Variants in RABGEF1 observed in about 807,000 individuals in gnomAD.
RABGEF1 encodes the protein RAB guanine nucleotide exchange factor 1.
Under a neutral mutation model 57.3 loss-of-function variants are expected in RABGEF1, and 26 were observed. That is an observed-to-expected ratio of 0.45 (90% CI 0.33 to 0.63). RABGEF1 has a LOEUF of 0.63. Ranked by LOEUF, RABGEF1 falls within the 20% of genes least tolerant of loss-of-function variation. The probability of loss-of-function intolerance (pLI) is 0.02; values close to 1 mark genes in which losing one functional copy is unlikely to be tolerated. For synonymous variants in RABGEF1, 185 were observed against 210.7 expected (o/e 0.88, Z 1.06); for missense variants, 464 against 607.6 (o/e 0.76, Z 2.48).
upstream of RABGEF1, among the ~76,000 whole-genome samples, chr7:66,681,296 G>C (rs1789706453): frequency 6.6e-6 from 1 of 151,934 alleles, no homozygotes; most frequent in Non-Finnish European, 1.5e-5. Flanking sequence ...CCTTACATGG[G>C]AATCACATAA....
At chr7:66,767,573 A>G (rs1806056665) in intron 1 of RABGEF1, among the ~76,000 whole-genome samples, 1 of 152,202 alleles carries the variant, frequency 6.6e-6, no homozygotes, top group African/African-American at 2.4e-5. Flanking sequence ...TCATATGTTG[A>G]AATTCTAAAC....
intron 1 of RABGEF1, among the ~76,000 whole-genome samples, chr7:66,700,499 T>TAGTTGGGGGGAGGGGGGGGG (rs1562710607): frequency 6.4e-5 from 4 of 62,664 alleles, no homozygotes; most frequent in Non-Finnish European, 7.8e-5. Context: ...GAGGGGGAGG[T>TAGTTGGGGGGAGGGGGGGGG]AGGGGAGGGG....
At chr7:66,777,377 T>C (rs1327148374) in intron 3 of RABGEF1, among the ~76,000 whole-genome samples, 1 of 152,094 alleles carries the variant, frequency 6.6e-6, no homozygotes, top group South Asian at 2.1e-4. Flanking sequence ...TCCTAATTCC[T>C]GGGTCAATAT....
chr7:66,780,858 C>T (rs996623576), intron 3 of RABGEF1, among the ~76,000 whole-genome samples: 2 of 152,162 alleles, frequency 1.3e-5, no homozygotes, highest in African/African-American at 4.8e-5. Flanking sequence ...GGTACAACCA[C>T]TTAAGCTCTT....
intron 1 of RABGEF1, among the ~76,000 whole-genome samples, chr7:66,770,706 ACTC>A (rs1353380333): frequency 6.6e-6 from 1 of 151,826 alleles, no homozygotes; most frequent in Non-Finnish European, 1.5e-5. Context: ...CTGGTCCTGA[ACTC>A]CTAGCCTCAA....
intron 1 of RABGEF1, among the ~76,000 whole-genome samples, chr7:66,705,439 AAGAAAGAGAGAGAGAGAG>A (rs1793882370): frequency 1.8e-5 from 1 of 54,976 alleles, no homozygotes; most frequent in African/African-American, 5.7e-5. Flanking sequence ...TCCATCTCGA[AAGAAAGAGAGAGAGAGAG>A]AGAGAGAGAG....
At chr7:66,743,518 T>C (rs1365476588) in intron 1 of RABGEF1, among the ~76,000 whole-genome samples, 1 of 151,740 alleles carries the variant, frequency 6.6e-6, no homozygotes, top group Non-Finnish European at 1.5e-5. Context: ...TTTTCTTTTT[T>C]TGATACGGAA....
chr7:66,751,993 T>TC (rs147338072), intron 1 of RABGEF1, among the ~76,000 whole-genome samples: 2,113 of 151,976 alleles, frequency 0.014, 59 homozygotes, highest in East Asian at 0.093. Context: ...GCCCAGGACT[T>TC]CAAGACCAGC....
chr7:66,708,508 C>A (rs552803587), intron 1 of RABGEF1, among the ~76,000 whole-genome samples: 1 of 151,958 alleles, frequency 6.6e-6, no homozygotes, highest in African/African-American at 2.4e-5. Context: ...AGGCTGGCTT[C>A]GAACTCCTGA....
At chr7:66,708,356 T>C (rs564769015) in intron 1 of RABGEF1, among the ~76,000 whole-genome samples, 1 of 152,166 alleles carries the variant, frequency 6.6e-6, no homozygotes, top group South Asian at 2.1e-4. Context: ...GGCGCAATCT[T>C]GGCTCACTGC....
chr7:66,700,877 G>C (rs985968687), intron 1 of RABGEF1, among the ~76,000 whole-genome samples: 7 of 152,042 alleles, frequency 4.6e-5, no homozygotes, highest in Non-Finnish European at 7.3e-5. Flanking sequence ...TGCTGGCCCT[G>C]TCCAGACTCT....
In RABGEF1 at chr7:66,700,951, T is replaced by C. The variant is rs1440120871; in HGVS notation, c.-872-11216T>C. ...TTTGCTCTGGGGTGGCAGAGAGCCATTGTGAGTCAGTTCAGTGTGGTGGGC... is the reference window on the plus strand; with the variant it reads ...TTTGCTCTGGGGTGGCAGAGAGCCACTGTGAGTCAGTTCAGTGTGGTGGGC... On this transcript the variant is annotated intron_variant and NMD_transcript_variant, in intron 1 of 9. Coordinates refer to the RABGEF1 transcript ENST00000607882. Among the ~76,000 whole-genome samples the C allele has an allele frequency of 2.6e-5, 4 of 152,022 alleles. No homozygotes were observed. In the South Asian group the frequency reaches 6.2e-4, roughly 24 times the overall value.
the RABGEF1 span, among the ~76,000 whole-genome samples, chr7:66,671,140 G>A: frequency 9.9e-5 from 15 of 152,170 alleles, no homozygotes; most frequent in African/African-American, 3.6e-4. Flanking sequence ...TGGTATTACA[G>A]TATTTAATTT....
chr7:66,658,047 A>C, the RABGEF1 span, among the ~76,000 whole-genome samples: 1 of 152,200 alleles, frequency 6.6e-6, no homozygotes, highest in Non-Finnish European at 1.5e-5. Context: ...AGATTGACTA[A>C]GAAACACAAG....
chr7:66,724,266 C>G (rs1004333216), intron 2 of RABGEF1, among the ~76,000 whole-genome samples: 1 of 152,106 alleles, frequency 6.6e-6, no homozygotes, highest in African/African-American at 2.4e-5. Context: ...ATTTCCTTCT[C>G]TGGCTGCTTT....
At chr7:66,805,545 C>T in intron 8 of RABGEF1, 149 bp downstream of exon 8, 3 of 1,190,176 alleles carry the variant, frequency 2.5e-6, no homozygotes, top group South Asian at 1.4e-5. Context: ...TCAGGGAGCA[C>T]AAGGACCAGG....
chr7:66,799,161 C>T (rs1786710420), intron 6 of RABGEF1, among the ~76,000 whole-genome samples, 162 bp from the exon 7 acceptor site: 1 of 152,238 alleles, frequency 6.6e-6, no homozygotes, highest in South Asian at 2.1e-4. Context: ...CTAGCTGCTT[C>T]ATCACGTCAT....
the RABGEF1 span, among the ~76,000 whole-genome samples, chr7:66,656,992 A>G: frequency 1.3e-5 from 2 of 152,170 alleles, no homozygotes; most frequent in African/African-American, 2.4e-5. Flanking sequence ...CTAACAACAG[A>G]GCATCAAAAC....
At chr7:66,768,069 AACCG>A in intron 1 of RABGEF1, among the ~76,000 whole-genome samples, 1 of 152,364 alleles carries the variant, frequency 6.6e-6, no homozygotes, top group Non-Finnish European at 1.5e-5. Context: ...TTGCTACTAT[AACCG>A]TTTGCGTATA....
Sources: allele counts gnomAD v4.1 joint callset (sites outside exome capture counted in the v4.1 genomes callset), GRCh38; gene constraint gnomAD v4.1.1; transcripts MANE v1.5; gene names NCBI Gene and HGNC (gene_info 2026-07-23, HGNC 2026-07-21).